Variants in PEX14 observed in about 807,000 individuals in gnomAD.
PEX14 encodes the protein peroxisomal membrane protein PEX14.
A neutral mutation model predicts 49.5 loss-of-function variants in PEX14; 15 were observed. That is an observed-to-expected ratio of 0.30 (90% CI 0.20 to 0.47). PEX14 has a LOEUF of 0.47. PEX14 is among the 20% of genes least tolerant of loss of function. PEX14 has a pLI of 1.00. For synonymous variants in PEX14, 210 were observed against 212.7 expected (o/e 0.99, Z 0.11); for missense variants, 398 against 494.8 (o/e 0.80, Z 1.86).
At chr1:10,622,445 C>A (rs1407836458) in intron 5 of PEX14, among the ~76,000 whole-genome samples, 1 of 152,212 alleles carries the variant, frequency 6.6e-6, no homozygotes, top group Non-Finnish European at 1.5e-5. Flanking sequence ...CACATGTTAT[C>A]CCCTGGCGAG....
At chr1:10,563,646 C>T (rs1557846877) in intron 3 of PEX14, among the ~76,000 whole-genome samples, 2 of 151,288 alleles carry the variant, frequency 1.3e-5, no homozygotes, top group South Asian at 2.1e-4. Flanking sequence ...AAAGTTGGGC[C>T]GGGCGCAGTG....
rs1435927933 is a variant in PEX14 at position 10,514,642 on chromosome 1, A to G, written c.84+19321A>G. On this transcript the variant is annotated intron_variant, in intron 2 of 8. Transcript: ENST00000356607. The surrounding 1 kb of genome is among the most constrained non-coding windows in gnomAD (Gnocchi z 4.4). ...TCGCTCTACTGGCTATAGGAGAAAGAGGGGTTATCTGCTGGGGAAACTGGA... is the reference window on the plus strand; with the variant it reads ...TCGCTCTACTGGCTATAGGAGAAAGGGGGGTTATCTGCTGGGGAAACTGGA... Among the ~76,000 whole-genome samples, 1 of 152,184 alleles carries G rather than the reference A, an allele frequency of 6.6e-6. No homozygotes were observed. Among genetic ancestry groups the G allele is most frequent in the Non-Finnish European group, 1.5e-5 (1 of 68,036 alleles).
At chr1:10,581,746 TTAATTTA>T (rs201651535) in intron 3 of PEX14, among the ~76,000 whole-genome samples, 23,371 of 148,606 alleles carry the variant, frequency 0.16, 2,131 homozygotes, top group South Asian at 0.31. Flanking sequence ...TATATTTTAT[TTAATTTA>T]TAATTTATAA....
chr1:10,576,061 C>T (rs951452145), intron 3 of PEX14, among the ~76,000 whole-genome samples: 2 of 152,164 alleles, frequency 1.3e-5, no homozygotes, highest in African/African-American at 4.8e-5. Flanking sequence ...CTTCTTCCCA[C>T]CATTTTCTAT....
chr1:10,477,395 T>C (rs546990653), intron 1 of PEX14, among the ~76,000 whole-genome samples: 1 of 152,200 alleles, frequency 6.6e-6, no homozygotes, highest in Admixed American at 6.5e-5. Context: ...CATAACAGAC[T>C]CTATGGCTAT....
At chr1:10,587,444 C>CAAAT (rs997618826) in intron 3 of PEX14, among the ~76,000 whole-genome samples, 5 of 151,826 alleles carry the variant, frequency 3.3e-5, no homozygotes, top group South Asian at 2.1e-4. Flanking sequence ...GATTCTGTCT[C>CAAAT]AAATAAATAA....
At chr1:10,594,943 G>A (rs1640794678) in intron 3 of PEX14, among the ~76,000 whole-genome samples, 2 of 152,166 alleles carry the variant, frequency 1.3e-5, no homozygotes, top group Admixed American at 6.5e-5. Context: ...ATAGGCAAGT[G>A]TGGCAGCCCT....
intron 4 of PEX14, among the ~76,000 whole-genome samples, chr1:10,610,057 T>C (rs555341935): frequency 6.7e-6 from 1 of 148,282 alleles, no homozygotes; most frequent in East Asian, 1.9e-4. Flanking sequence ...TAAATACATA[T>C]AATTTTATTC....
Position 10,630,030 on chromosome 1 carries a change from T to G in PEX14, c.*43T>G, listed in dbSNP as rs1641877693. ...CCAGCCCTGAGGATGGCATCTAGTG[T>G]GCCCGTGCGTGGCCATACCCTGCCT... is the stretch of plus-strand genomic sequence containing the variant. On this transcript the variant is annotated 3_prime_UTR_variant, in exon 9 of 9. Coordinates refer to ENST00000356607, the MANE Select transcript of PEX14 (RefSeq NM_004565.3). The surrounding 1 kb of genome is among the most constrained non-coding windows in gnomAD (Gnocchi z 4.1). The G allele has an allele frequency of 1.3e-6, 2 of 1,599,726 alleles. No homozygotes were observed. Among genetic ancestry groups the G allele is most frequent in the Non-Finnish European group, 1.7e-6 (2 of 1,178,504 alleles).
At chr1:10,537,409 G>A (rs762731322) in intron 3 of PEX14, among the ~76,000 whole-genome samples, 10 of 137,030 alleles carry the variant, frequency 7.3e-5, no homozygotes, top group Admixed American at 3.5e-4. Flanking sequence ...TCGCCACTCC[G>A]CAAGCATCAT....
In PEX14 at chr1:10,514,272, A is replaced by G. The variant is rs558781029; in HGVS notation, c.84+18951A>G. ...CTTCTGTCATCCTTTCTCCCAGTTCAGGTTGATTTGTACGGTGCTGCTCAG... is the reference window on the plus strand; with the variant it reads ...CTTCTGTCATCCTTTCTCCCAGTTCGGGTTGATTTGTACGGTGCTGCTCAG... On this transcript the variant is annotated intron_variant, in intron 2 of 8. Transcript: ENST00000356607. The surrounding 1 kb of genome is among the most constrained non-coding windows in gnomAD (Gnocchi z 4.4). Among the ~76,000 whole-genome samples, 103 of 151,364 alleles carry G rather than the reference A, an allele frequency of 6.8e-4. No homozygotes were observed. Among genetic ancestry groups the G allele is most frequent in the Middle Eastern group, 3.4e-3 (1 of 292 alleles).
intron 7 of PEX14, among the ~76,000 whole-genome samples, chr1:10,626,801 A>G (rs1641760980): frequency 6.6e-6 from 1 of 152,206 alleles, no homozygotes; most frequent in Non-Finnish European, 1.5e-5. Context: ...TTCCCCGTCT[A>G]TACCAGCAAG....
chr1:10,585,492 A>G (rs953534182), intron 3 of PEX14, among the ~76,000 whole-genome samples: 2 of 152,224 alleles, frequency 1.3e-5, no homozygotes, highest in Admixed American at 6.5e-5. Flanking sequence ...AAAAGACTCA[A>G]TGCTGCTTGC....
intron 2 of PEX14, among the ~76,000 whole-genome samples, chr1:10,518,892 G>T (rs17035126): frequency 0.011 from 1,718 of 152,198 alleles, 35 homozygotes; most frequent in African/African-American, 0.039. Flanking sequence ...CGGTGAAGGG[G>T]AGAGATGGTG....
rs1379963918 is a variant in PEX14, at chr1:10,494,388, A to G, written c.37-886A>G. On this transcript the variant is annotated intron_variant, in intron 1 of 8. Coordinates refer to ENST00000356607, the MANE Select transcript of PEX14 (RefSeq NM_004565.3). This position sits in a 1 kb window ranked among gnomAD's most constrained non-coding sequence, Gnocchi z 4.3. ...GGATATTAACTGTAGATAGATGGCA[A>G]TTGGCCTGACCATCAGTCACAGTAA... 6.6e-6 allele frequency among the ~76,000 whole-genome samples: 1 copy of G among 152,216 alleles called. No homozygotes were observed. Among genetic ancestry groups the G allele is most frequent in the African/African-American group, 2.4e-5 (1 of 41,432 alleles).
At chr1:10,490,456 C>A (rs547739629) in intron 1 of PEX14, among the ~76,000 whole-genome samples, 1 of 152,176 alleles carries the variant, frequency 6.6e-6, no homozygotes, top group Non-Finnish European at 1.5e-5. Flanking sequence ...GGAACGCCTT[C>A]CAGTTGGGGA....
intron 1 of PEX14, among the ~76,000 whole-genome samples, chr1:10,478,685 C>G (rs541747469): frequency 6.6e-6 from 1 of 152,112 alleles, no homozygotes; most frequent in Non-Finnish European, 1.5e-5. Context: ...CTCAGGCAAT[C>G]CTTTCGTCTC....
intron 2 of PEX14, among the ~76,000 whole-genome samples, chr1:10,506,359 A>G (rs1377385999): frequency 6.6e-6 from 1 of 152,054 alleles, no homozygotes; most frequent in South Asian, 2.1e-4. Flanking sequence ...GCTCACTGCA[A>G]CCTCTGCCTC....
chr1:10,626,234 T>A (rs1388731236), intron 7 of PEX14, among the ~76,000 whole-genome samples: 1 of 152,174 alleles, frequency 6.6e-6, no homozygotes, highest in Non-Finnish European at 1.5e-5. Flanking sequence ...GAAATCTGAG[T>A]CCCTTGTAGG....
Sources: gnomAD v4.1 joint callset for allele counts (sites outside exome capture counted in the v4.1 genomes callset) on GRCh38, gnomAD v4.1.1 for gene constraint, Gnocchi (gnomAD v3.1) non-coding constraint, MANE v1.5 for transcripts, NCBI Gene and HGNC (gene_info 2026-07-23, HGNC 2026-07-21) for gene names.